Variants in ABCA10 observed in about 807,000 individuals in gnomAD.
ABCA10 encodes ATP-binding cassette sub-family A member 10.
Under a neutral mutation model 187.5 loss-of-function variants are expected in ABCA10, and 169 were observed. The ratio of observed to expected loss-of-function variants is 0.90; its 90% confidence interval spans 0.80 to 1.02. ABCA10 has a LOEUF of 1.02. Ranked by LOEUF, ABCA10 falls within the 50% of genes least tolerant of loss-of-function variation. The pLI is 0.00. For missense variants in ABCA10, 1,727 were observed against 1,812.4 expected, an observed-to-expected ratio of 0.95 and a Z score of 0.86; for synonymous variants, 574 against 601.8, an observed-to-expected ratio of 0.95 and a Z score of 0.68.
chr17:69,152,916 T>C (rs2074141609), intron 34 of ABCA10, among the ~76,000 whole-genome samples: 1 of 152,060 alleles, frequency 6.6e-6, no homozygotes, highest in Non-Finnish European at 1.5e-5. Flanking sequence ...ATTAATAGGC[T>C]TCATAAAAAA....
chr17:69,156,780 A>C, intron 28 of ABCA10, 52 bp downstream of exon 28: 1 of 1,116,162 alleles, frequency 9.0e-7, no homozygotes, highest in Non-Finnish European at 1.2e-6. Context: ...TATAAATTTA[A>C]AAAGACTAAA....
chr17:69,230,256 T>C (rs2074822882), upstream of ABCA10, among the ~76,000 whole-genome samples: 1 of 152,136 alleles, frequency 6.6e-6, no homozygotes, highest in African/African-American at 2.4e-5. Flanking sequence ...AAGTTTCTTT[T>C]CTTTATAAAT....
intron 19 of ABCA10, among the ~76,000 whole-genome samples, chr17:69,187,312 T>C (rs1175930728): frequency 6.6e-6 from 1 of 152,152 alleles, no homozygotes; most frequent in Non-Finnish European, 1.5e-5. Context: ...AAGAGATATC[T>C]GTACATGCCT....
intron 35 of ABCA10, 51 bp downstream of exon 35, chr17:69,152,311 C>A: frequency 6.3e-7 from 1 of 1,585,868 alleles, no homozygotes; most frequent in Non-Finnish European, 8.6e-7. Context: ...CAAACTGAAA[C>A]TCTCTCTATA....
At chr17:69,164,689 G>A (rs2074242596) in intron 26 of ABCA10, among the ~76,000 whole-genome samples, 1 of 152,100 alleles carries the variant, frequency 6.6e-6, no homozygotes, top group South Asian at 2.1e-4. Flanking sequence ...AAAAGTTTTA[G>A]TCCTGTCTCA....
rs1024615391 is a variant in ABCA10, at chr17:69,184,865, G to C, written c.2497+612C>G. On this transcript the variant is annotated intron_variant, in intron 20 of 38. Transcript: ENST00000690296. ...TATATGTATATGTGTGTGTGTGTGT[G>C]TGTGTGTATATATATACACACACAC... Among the ~76,000 whole-genome samples the C allele has an allele frequency of 5.8e-5, 5 of 85,672 alleles. 1 individual carries two copies. The highest frequency in any genetic ancestry group is 5.7e-4 in the Admixed American group (5 of 8,792). 56.2% of individuals were successfully genotyped at this position (85,672 alleles called of 152,430 possible).
At chr17:69,162,840 T>TATACATATACATATACATATAC (rs67276822) in intron 27 of ABCA10, among the ~76,000 whole-genome samples, 12,015 of 138,200 alleles carry the variant, frequency 0.087, 762 homozygotes, top group Non-Finnish European at 0.13. Flanking sequence ...TACATATACA[T>TATACATATACATATACATATAC]ATATATATAT....
chr17:69,236,954 T>C (rs1028023416), intron 1 of ABCA10, among the ~76,000 whole-genome samples: 1 of 152,194 alleles, frequency 6.6e-6, no homozygotes, highest in South Asian at 2.1e-4. Flanking sequence ...ATCACTTCAG[T>C]GCAAAATAAG....
intron 25 of ABCA10, among the ~76,000 whole-genome samples, chr17:69,168,823 C>A (rs914606258): frequency 2.0e-5 from 3 of 152,188 alleles, no homozygotes; most frequent in Admixed American, 6.5e-5. Context: ...CCTGCACAAG[C>A]TCTCTCTTTG....
At chr17:69,204,617 G>A (rs1045946508) in intron 9 of ABCA10, among the ~76,000 whole-genome samples, 3 of 152,074 alleles carry the variant, frequency 2.0e-5, no homozygotes, top group African/African-American at 7.2e-5. Context: ...TATTTCCAAT[G>A]CTAACTGCAA....
Position 69,152,495 on chromosome 17 carries a change from A to T in ABCA10, c.4137-14T>A. 6.3e-7 allele frequency: 1 copy of T among 1,596,086 alleles called. No homozygotes were observed. Among genetic ancestry groups the T allele is most frequent in the South Asian group, 1.1e-5 (1 of 87,612 alleles). On this transcript the variant is annotated splice_polypyrimidine_tract_variant and intron_variant, in intron 34 of 38. Coordinates refer to ENST00000690296, the MANE Select transcript of ABCA10 (RefSeq NM_001377321.1). ...TGAAGTATCTGCCTAAAGATAAAGTAAGGGATTGTTTGCATTTAGAAAGTA... is the reference window on the plus strand; with the variant it reads ...TGAAGTATCTGCCTAAAGATAAAGTTAGGGATTGTTTGCATTTAGAAAGTA...
At position 69,155,103 on chromosome 17, in the gene ABCA10, C is replaced by A. The variant is rs2074163729; in HGVS notation, c.3610G>T (p.Glu1204Ter). 2 of 1,612,496 alleles carry A rather than the reference C, an allele frequency of 1.2e-6. No individual in the cohort carries two copies. The highest frequency in any genetic ancestry group is 1.7e-6 in the Non-Finnish European group (2 of 1,179,140). Residue 1204 changes from glutamate to a stop codon, truncating the protein, a stop_gained, in exon 30 of 39, where the codon GAA (glutamate) becomes TAA (stop). Transcript: ENST00000690296. LOFTEE classifies it high-confidence loss of function. ...PVITASCLHK[E>*]YYETKKSCFS... ...CAACTTTTCTTTGTCTCATAATATT[C>A]CTTGTGTAAACAGCTTGCAGTTATG...
At chr17:69,187,988 A>ATG in intron 18 of ABCA10, 109 bp from the exon 19 acceptor site, 1 of 936,298 alleles carries the variant, frequency 1.1e-6, no homozygotes, top group Non-Finnish European at 1.6e-6. Flanking sequence ...CAACAAGTTA[A>ATG]GCTACTGATA....
Position 69,152,034 on chromosome 17 carries a change from A to G in ABCA10, c.4397+9T>C, listed in dbSNP as rs771513200. The G allele has an allele frequency of 1.9e-6, 3 of 1,603,120 alleles. No individual in the cohort carries two copies. In the African/African-American group the frequency reaches 4.1e-5, roughly 22 times the overall value. ...CATACTTGTCACTCAAACCGAAAAC[A>G]TCCTTTACCTTTCCTGCCAAGCAGC... On this transcript the variant is annotated intron_variant, in intron 36 of 38. Coordinates refer to ENST00000690296, the MANE Select transcript of ABCA10 (RefSeq NM_001377321.1).
chr17:69,182,768 C>G lies in ABCA10; in HGVS notation c.2538G>C (p.Gln846His). 2 of 1,611,158 alleles carry G rather than the reference C, an allele frequency of 1.2e-6. No homozygotes were observed. The highest frequency in any genetic ancestry group is 1.7e-6 in the Non-Finnish European group (2 of 1,178,464). ...IEDLVHSLKC[Q>H]DIVLEIDDFR... ...AGTCATCTATTTCCAAAACTATATC[C>G]TGACACTTCAGTGAATGCACGAGGT... The change falls in exon 21 of 39, where the codon CAG (glutamine) becomes CAC (histidine). Residue 846 changes from glutamine (Q) to histidine (H), a missense_variant. Coordinates refer to ENST00000690296, the MANE Select transcript of ABCA10 (RefSeq NM_001377321.1).
At chr17:69,221,726 G>A in intron 5 of ABCA10, 66 bp downstream of exon 5, 2 of 1,370,952 alleles carry the variant, frequency 1.5e-6, no homozygotes. Context: ...GGTAGGGGAT[G>A]AGGCAGATAT....
intron 25 of ABCA10, among the ~76,000 whole-genome samples, chr17:69,167,597 C>A (rs2074262731): frequency 6.6e-6 from 1 of 152,046 alleles, no homozygotes; most frequent in South Asian, 2.1e-4. Flanking sequence ...CTAATAGACA[C>A]CACACCAGAG....
chr17:69,160,619 AC>A (rs764879551), intron 27 of ABCA10, among the ~76,000 whole-genome samples: 78 of 151,498 alleles, frequency 5.1e-4, no homozygotes, highest in African/African-American at 1.2e-3. Flanking sequence ...AAACAAACAA[AC>A]AAAAAAACCA....
chr17:69,207,072 G>C (rs770088790), intron 9 of ABCA10, among the ~76,000 whole-genome samples: 1 of 152,116 alleles, frequency 6.6e-6, no homozygotes, highest in African/African-American at 2.4e-5. Context: ...ATTTGAAAAC[G>C]AGCAAAGGAC....
Sources: gnomAD v4.1 joint callset for allele counts (sites outside exome capture counted in the v4.1 genomes callset) on GRCh38, gnomAD v4.1.1 for gene constraint, MANE v1.5 for transcripts, NCBI Gene and HGNC (gene_info 2026-07-23, HGNC 2026-07-21) for gene names.